Variants in HFM1 observed in about 807,000 individuals in gnomAD.
HFM1 encodes the protein helicase for meiosis 1, also known as probable ATP-dependent DNA helicase HFM1.
In HFM1, 169 loss-of-function variants were observed where a neutral mutation model predicts 192.1. That is an observed-to-expected ratio of 0.88 (90% confidence interval 0.78 to 1.00). The LOEUF (loss-of-function observed/expected upper bound fraction) is 1.00. Ranked by LOEUF, HFM1 falls within the 50% of genes least tolerant of loss-of-function variation. The pLI is 0.00. For synonymous variants in HFM1, 525 were observed against 537.8 expected (o/e 0.98, Z 0.33); for missense variants, 1,661 against 1,668.0 (o/e 1.00, Z 0.07).
chr1:91,381,073 A>T (rs887082073), intron 6 of HFM1, 91 bp from the exon 7 acceptor site: 5 of 655,868 alleles, frequency 7.6e-6, no homozygotes, highest in Non-Finnish European at 1.1e-5. Context: ...ATAGATTCTG[A>T]CAATATTTAA....
chr1:91,289,282 G>T (rs890517106), intron 30 of HFM1, among the ~76,000 whole-genome samples: 1 of 151,286 alleles, frequency 6.6e-6, no homozygotes, highest in African/African-American at 2.4e-5. Context: ...GGGCAGAGGC[G>T]CTCCCCACAT....
At chr1:91,396,226 GT>G in intron 3 of HFM1, 66 bp downstream of exon 3, 1 of 713,368 alleles carries the variant, frequency 1.4e-6, no homozygotes. Context: ...TCAAATCAGG[GT>G]TTTTTAAAAA....
intron 30 of HFM1, among the ~76,000 whole-genome samples, chr1:91,282,607 T>A (rs1423845965): frequency 6.6e-6 from 1 of 152,158 alleles, no homozygotes; most frequent in East Asian, 1.9e-4. Context: ...TGCTCAAGAC[T>A]ATGCTGTTAG....
At position 91,353,288 on chromosome 1, in the gene HFM1, T is replaced by C. The variant is rs751054694; in HGVS notation, c.1697A>G (p.Tyr566Cys). 1.3e-6 allele frequency: 2 copies of C among 1,564,378 alleles called. No individual in the cohort carries two copies. The highest frequency in any genetic ancestry group is 1.8e-6 in the Non-Finnish European group (2 of 1,137,566). Residue 566 changes from tyrosine to cysteine, a missense_variant, in exon 14 of 39, where the codon TAT becomes TGT. Physicochemically the swap from Tyr to Cys is radical, Grantham distance 194. Transcript: ENST00000370425. Reference protein sequence around the residue: ...TVEQKQRLQKYAYSVRDSKLR... With the variant: ...TVEQKQRLQKCAYSVRDSKLR... ...TTTTGAATCTCTTACGGAATATGCA[T>C]ACTTCTGTAACCTATTTAAAAATAC...
At chr1:91,381,256 G>A (rs752661728) in intron 6 of HFM1, among the ~76,000 whole-genome samples, 5 of 152,126 alleles carry the variant, frequency 3.3e-5, no homozygotes, top group African/African-American at 7.2e-5. Context: ...AGAGATGCAA[G>A]TACATAATGG....
At chr1:91,316,074 A>C (rs1651163419) in intron 27 of HFM1, 27 bp downstream of exon 27, 2 of 1,512,756 alleles carry the variant, frequency 1.3e-6, no homozygotes, top group Middle Eastern at 1.7e-4. Flanking sequence ...AAGACAATAA[A>C]ATATCTAAGA....
At chr1:91,379,555 T>A (rs1661307971) in intron 8 of HFM1, among the ~76,000 whole-genome samples, 1 of 152,104 alleles carries the variant, frequency 6.6e-6, no homozygotes, top group South Asian at 2.1e-4. Flanking sequence ...TTCAAAGCCA[T>A]CCTGGGCCAC....
At position 91,399,913 on chromosome 1, in the gene HFM1, CAT is replaced by C. The variant is rs146597646; in HGVS notation, c.71+1097_71+1098del. Among the ~76,000 whole-genome samples, 1,245 of 152,350 alleles carry C rather than the reference CAT, an allele frequency of 8.2e-3. 15 individuals are homozygous for C. The highest frequency in any genetic ancestry group is 0.023 in the African/African-American group (947 of 41,584). On this transcript the variant is annotated intron_variant, in intron 2 of 38. Coordinates refer to ENST00000370425, the MANE Select transcript of HFM1 (RefSeq NM_001017975.6). ...TTGCATTGGCCAGACCTGATTAACA[CAT>C]GTTGCCCCAGTTGGATGTGCTCTTT...
At chr1:91,406,945 TC>T (rs1571268145), upstream of HFM1, among the ~76,000 whole-genome samples, 1 of 152,202 alleles carries the variant, frequency 6.6e-6, no homozygotes, top group East Asian at 1.9e-4. Flanking sequence ...CAGGCTCCAT[TC>T]TAGACAGCTG....
At chr1:91,273,036 C>T (rs1260440672) in intron 34 of HFM1, among the ~76,000 whole-genome samples, 1 of 151,972 alleles carries the variant, frequency 6.6e-6, no homozygotes, top group African/African-American at 2.4e-5. Context: ...TAGCATTATT[C>T]AGGGAAATTA....
At position 91,261,107 on chromosome 1, in the gene HFM1, G is replaced by A. The variant is rs1187056025; in HGVS notation, c.*183C>T. The A allele has an allele frequency of 2.8e-6, 1 of 362,556 alleles. No individual in the cohort carries two copies. Among genetic ancestry groups the A allele is most frequent in the Admixed American group, 4.7e-5 (1 of 21,242 alleles). 22.5% of individuals were successfully genotyped at this position (362,556 alleles called of 1,614,324 possible). A position where few individuals can be genotyped will look rare whatever the true frequency, so the allele number is the denominator to read the frequency against. ...CCACTGTAAAAGAGCTTTTCAAGAA[G>A]TTACAATATAATGGGAAAATAAATC... On this transcript the variant is annotated 3_prime_UTR_variant, in exon 39 of 39. Coordinates refer to ENST00000370425, the MANE Select transcript of HFM1 (RefSeq NM_001017975.6).
intron 20 of HFM1, among the ~76,000 whole-genome samples, chr1:91,331,075 G>A (rs951305775): frequency 2.6e-5 from 4 of 152,148 alleles, no homozygotes; most frequent in African/African-American, 9.7e-5. Flanking sequence ...AATATGACAA[G>A]GATGCCCACT....
chr1:91,287,663 G>C (rs1308966880), intron 30 of HFM1, among the ~76,000 whole-genome samples: 1 of 152,158 alleles, frequency 6.6e-6, no homozygotes, highest in Non-Finnish European at 1.5e-5. Flanking sequence ...GCTGGACGGA[G>C]AATGACTTTG....
At chr1:91,379,350 A>G (rs141271010) in intron 8 of HFM1, 136 bp from the exon 9 acceptor site, 24 of 678,472 alleles carry the variant, frequency 3.5e-5, no homozygotes, top group Non-Finnish European at 5.6e-5. Flanking sequence ...AATGAACAAT[A>G]TAGGCACATT....
chr1:91,274,744 A>G lies in HFM1; in HGVS notation c.3654T>C (p.Leu1218=). Residue 1218 remains leucine (L), a synonymous_variant, in exon 33 of 39, where the codon CTT becomes CTC. Coordinates refer to ENST00000370425, the MANE Select transcript of HFM1 (RefSeq NM_001017975.6). ...TATATTTGTACCTTGATATACTAGG[A>G]AGGGAAGGTTTTGGAGTAAAACCAA... The part of the protein sequence containing the change: ...KEFGFTPKPS[L]PSISRSEYLN... 6.6e-6 allele frequency: 10 copies of G among 1,521,352 alleles called. No homozygotes were observed. The highest frequency in any genetic ancestry group is 9.1e-6 in the Non-Finnish European group (10 of 1,097,726). 94.2% of individuals were successfully genotyped at this position (1,521,352 alleles called of 1,614,324 possible). A position where few individuals can be genotyped will look rare whatever the true frequency, so the allele number is the denominator to read the frequency against.
intron 30 of HFM1, among the ~76,000 whole-genome samples, chr1:91,277,735 TATA>T (rs1304185985): frequency 4.0e-5 from 5 of 123,588 alleles, no homozygotes; most frequent in African/African-American, 1.3e-4. Context: ...TACTAATATA[TATA>T]ATATATATAC....
intron 30 of HFM1, among the ~76,000 whole-genome samples, chr1:91,290,978 A>T (rs1210745653): frequency 1.3e-5 from 2 of 152,240 alleles, no homozygotes; most frequent in Non-Finnish European, 2.9e-5. Context: ...ATGAAGGCAG[A>T]AATAAAGATG....
At chr1:91,286,557 T>C (rs141976988) in intron 30 of HFM1, among the ~76,000 whole-genome samples, 3 of 152,322 alleles carry the variant, frequency 2.0e-5, no homozygotes, top group Non-Finnish European at 4.4e-5. Context: ...ACACCAGTCA[T>C]ATTGGATTAG....
chr1:91,319,330 G>A lies in HFM1; in HGVS notation c.2643C>T (p.Thr881=), dbSNP rs10493845. 522,494 of 1,609,496 alleles carry A rather than the reference G, an allele frequency of 0.32. 87,303 individuals are homozygous for A. The highest frequency in any genetic ancestry group is 0.35 in the Non-Finnish European group (412,191 of 1,176,146). Residue 881 remains threonine (T), a synonymous_variant, in exon 24 of 39, where the codon ACC becomes ACT. Transcript: ENST00000370425. ...PIQDFALTQD[T]AKIFRHGSRI... ...GGGAGCCATGTCTGAAAATCTTTGC[G>A]GTATCTTGTGTCAAAGCAAAATCTT... is the stretch of plus-strand genomic sequence containing the variant.
Sources: allele counts gnomAD v4.1 joint callset (sites outside exome capture counted in the v4.1 genomes callset), GRCh38; gene constraint gnomAD v4.1.1; transcripts MANE v1.5; gene names NCBI Gene and HGNC (gene_info 2026-07-23, HGNC 2026-07-21).